NECTIN1: variants seen among roughly 807,000 people sequenced by gnomAD.
NECTIN1 encodes nectin cell adhesion molecule 1.
Under a neutral mutation model 48.0 loss-of-function variants are expected in NECTIN1, and 23 were observed. That is an observed-to-expected ratio of 0.48 (90% CI 0.34 to 0.68). The LOEUF (loss-of-function observed/expected upper bound fraction) is 0.68, where lower values mean the gene tolerates loss of function less well. Ranked by LOEUF, NECTIN1 falls within the 30% of genes least tolerant of loss-of-function variation. The pLI, the probability that NECTIN1 is intolerant of heterozygous loss-of-function variation, is 0.01. For missense variants in NECTIN1, 591 were observed against 709.9 expected, an observed-to-expected ratio of 0.83 and a Z score of 1.90; for synonymous variants, 270 against 288.9, an observed-to-expected ratio of 0.93 and a Z score of 0.66.
rs769346477 is a variant in NECTIN1, at chr11:119,638,121, C to T, written c.1354G>A (p.Glu452Lys). ...GGCTAGGGGCACTCTCCTCGAGGTT[C>T]GGTTGTCCTTACCGAGGGGTGGTAG... Residue 452 changes from glutamate to lysine, a missense_variant, in exon 8 of 8, where the codon GAA becomes AAA. Physicochemically the swap from Glu to Lys is moderately conservative, Grantham distance 56. Transcript: ENST00000341398. 2.0e-5 allele frequency: 32 copies of T among 1,613,256 alleles called. No individual in the cohort carries two copies. Among genetic ancestry groups the T allele is most frequent in the East Asian group, 1.8e-4 (8 of 44,852 alleles).
At chr11:119,713,395 C>A (rs1865688510) in intron 1 of NECTIN1, among the ~76,000 whole-genome samples, 1 of 152,224 alleles carries the variant, frequency 6.6e-6, no homozygotes, top group Admixed American at 6.5e-5. Context: ...AAAAAACCAT[C>A]CATGATTTAT....
In NECTIN1 at chr11:119,665,258, C is replaced by T. The variant is rs148045547; in HGVS notation, c.1043G>A (p.Arg348His). The T allele has an allele frequency of 1.4e-5, 23 of 1,597,126 alleles. No homozygotes were observed. In the African/African-American group the frequency reaches 2.0e-4, roughly 14 times the overall value. ...YTPSPPEHGR[R>H]AGPVPTAIIG... ...GATGGCCGTGGGCACCGGCCCGGCGCGCCGCCCATGTTCGGGAGGAGACGG... is the reference window on the plus strand; with the variant it reads ...GATGGCCGTGGGCACCGGCCCGGCGTGCCGCCCATGTTCGGGAGGAGACGG... Residue 348 changes from arginine to histidine, a missense_variant, in exon 6 of 6, where the codon CGC becomes CAC. Physicochemically the swap from Arg to His is conservative, Grantham distance 29. Transcript: ENST00000264025. The surrounding 1 kb of genome is among the most constrained non-coding windows in gnomAD (Gnocchi z 5.1).
chr11:119,700,860 G>A (rs752082870), intron 1 of NECTIN1, among the ~76,000 whole-genome samples: 3 of 152,164 alleles, frequency 2.0e-5, no homozygotes, highest in Non-Finnish European at 4.4e-5. Context: ...TCAACTCTGC[G>A]AAACAAATCC....
intron 1 of NECTIN1, among the ~76,000 whole-genome samples, chr11:119,718,637 C>T (rs1212630513): frequency 3.3e-5 from 5 of 152,238 alleles, no homozygotes; most frequent in African/African-American, 7.2e-5. Flanking sequence ...AGATTCTCTC[C>T]GAGGAGCTAC....
In NECTIN1 at chr11:119,678,320, G is replaced by A. The variant is rs1252657019; in HGVS notation, c.430+95C>T. On this transcript the variant is annotated intron_variant, in intron 2 of 5. Coordinates refer to ENST00000264025, the MANE Select transcript of NECTIN1 (RefSeq NM_002855.5). The surrounding 1 kb of genome is among the most constrained non-coding windows in gnomAD (Gnocchi z 4.4). Reference sequence around the variant, plus strand: ...AATGATGGCAGCATGCCCACCCAAGGGGGATGTCTGGGGTCATTGAGGCAT... The same window carrying A: ...AATGATGGCAGCATGCCCACCCAAGAGGGATGTCTGGGGTCATTGAGGCAT... The A allele has an allele frequency of 5.2e-6, 6 of 1,160,788 alleles. No homozygotes were observed. The highest frequency in any genetic ancestry group is 7.8e-6 in the Non-Finnish European group (6 of 774,122). 71.9% of individuals were successfully genotyped at this position (1,160,788 alleles called of 1,614,324 possible). A position where few individuals can be genotyped will look rare whatever the true frequency, so the allele number is the denominator to read the frequency against.
chr11:119,707,497 A>G (rs1012460411), intron 1 of NECTIN1, among the ~76,000 whole-genome samples: 1 of 151,778 alleles, frequency 6.6e-6, no homozygotes, highest in Non-Finnish European at 1.5e-5. Context: ...ACACTCCACA[A>G]GGCTGTCGAA....
downstream of NECTIN1, chr11:119,658,927 G>A (rs1316646718): frequency 6.6e-6 from 1 of 152,174 alleles, no homozygotes; most frequent in Non-Finnish European, 1.5e-5. Context: ...TTCTCCATGT[G>A]CAGAATGAGT....
In NECTIN1 at chr11:119,662,650, G is replaced by A. The variant is rs1864687763; in HGVS notation, c.*2097C>T. 1 of 985,664 alleles carries A rather than the reference G, an allele frequency of 1.0e-6. No individual in the cohort carries two copies. The highest frequency in any genetic ancestry group is 1.2e-6 in the Non-Finnish European group (1 of 830,000). 61.1% of individuals were successfully genotyped at this position (985,664 alleles called of 1,614,324 possible). ...GATTGCCTCCTGCCTGGGGGAAAAG[G>A]GGACCAAGCAGAGGGGCCAGAGTGT... On this transcript the variant is annotated 3_prime_UTR_variant, in exon 6 of 6. Transcript: ENST00000264025. The surrounding 1 kb of genome is among the most constrained non-coding windows in gnomAD (Gnocchi z 5.3).
rs369816315 is a variant in NECTIN1, at chr11:119,674,614, C to G, written c.1003+545G>C. 4 of 1,614,102 alleles carry G rather than the reference C, an allele frequency of 2.5e-6. No individual in the cohort carries two copies. In the African/African-American group the frequency reaches 5.3e-5, roughly 22 times the overall value. ...TCCTCAGAACATCCTAGCTCTTGTC[C>G]TCCCTTTGCCCGGATAGATAAGTTG... On this transcript the variant is annotated intron_variant, in intron 5 of 5. Coordinates refer to ENST00000264025, the MANE Select transcript of NECTIN1 (RefSeq NM_002855.5).
At position 119,678,562 on chromosome 11, in the gene NECTIN1, C is replaced by T. The variant is rs745849418; in HGVS notation, c.283G>A (p.Glu95Lys). The T allele has an allele frequency of 5.1e-5, 83 of 1,614,198 alleles. No homozygotes were observed. Among genetic ancestry groups the T allele is most frequent in the African/African-American group, 2.3e-4 (17 of 75,054 alleles). ...GAGGGCCGCAGGAATTCCACACGCTCGCGGTAGGGAGCCAGCACGGACACG... is the reference window on the plus strand; with the variant it reads ...GAGGGCCGCAGGAATTCCACACGCTTGCGGTAGGGAGCCAGCACGGACACG... ...MGVSVLAPYR[E>K]RVEFLRPSFT... The change falls in exon 2 of 6, where the codon GAG (glutamate) becomes AAG (lysine). Residue 95 changes from glutamate to lysine, a missense_variant. Coordinates refer to ENST00000264025, the MANE Select transcript of NECTIN1 (RefSeq NM_002855.5). The surrounding 1 kb of genome is among the most constrained non-coding windows in gnomAD (Gnocchi z 4.4).
rs1414850723 is a variant in NECTIN1, at chr11:119,727,890, C to T, written c.79+585G>A. 2.6e-5 allele frequency among the ~76,000 whole-genome samples: 4 copies of T among 152,338 alleles called. No individual in the cohort carries two copies. In the East Asian group the frequency reaches 7.7e-4, roughly 29 times the overall value. On this transcript the variant is annotated intron_variant, in intron 1 of 5. Transcript: ENST00000264025. This position sits in a 1 kb window ranked among gnomAD's most constrained non-coding sequence, Gnocchi z 4.1. ...GAGGAGGCTGCCCCGGCCTCACCCT[C>T]CAGGAAAGGAACCGCAGGTGAGCGA...
Position 119,677,300 on chromosome 11 carries a change from G to A in NECTIN1, c.734-81C>T. The A allele has an allele frequency of 7.8e-7, 1 of 1,274,674 alleles. No homozygotes were observed. The highest frequency in any genetic ancestry group is 1.1e-6 in the Non-Finnish European group (1 of 875,148). 79.0% of individuals were successfully genotyped at this position (1,274,674 alleles called of 1,614,324 possible). A position where few individuals can be genotyped will look rare whatever the true frequency, so the allele number is the denominator to read the frequency against. On this transcript the variant is annotated intron_variant, in intron 3 of 5. Coordinates refer to ENST00000264025, the MANE Select transcript of NECTIN1 (RefSeq NM_002855.5). The surrounding 1 kb of genome is among the most constrained non-coding windows in gnomAD (Gnocchi z 5.4). ...AAGGGAACTTCAGCCAGGAAGGGAT[G>A]GAAGGAGCAGTGGCATGGAAACAGC... is the stretch of plus-strand genomic sequence containing the variant.
intron 1 of NECTIN1, among the ~76,000 whole-genome samples, chr11:119,706,087 C>T (rs1431718385): frequency 6.6e-6 from 1 of 152,206 alleles, no homozygotes; most frequent in East Asian, 1.9e-4. Flanking sequence ...CAGCTGCAGC[C>T]TCCCCTCGGC....
Position 119,728,818 on chromosome 11 carries a change from T to G in NECTIN1, c.-265A>C. The stretch of plus-strand genomic sequence containing the variant: ...TGCCCCTTCGCCTCCTCCGCTCTCC[T>G]CCCGGCGCCGGTCCCCGCCCTCTTC... On this transcript the variant is annotated 5_prime_UTR_variant, in exon 1 of 6. Transcript: ENST00000264025. 1 of 366,762 alleles carries G rather than the reference T, an allele frequency of 2.7e-6. No individual in the cohort carries two copies. The highest frequency in any genetic ancestry group is 4.9e-6 in the Non-Finnish European group (1 of 205,988). 22.7% of individuals were successfully genotyped at this position (366,762 alleles called of 1,614,324 possible).
intron 6 of NECTIN1, among the ~76,000 whole-genome samples, chr11:119,639,124 C>T (rs1467496336): frequency 6.6e-6 from 1 of 152,194 alleles, no homozygotes; most frequent in Admixed American, 6.5e-5. Flanking sequence ...ACTGTGGGCC[C>T]TCACCCAGGG....
intron 1 of NECTIN1, among the ~76,000 whole-genome samples, chr11:119,690,152 GA>G (rs1371084678): frequency 6.6e-6 from 1 of 152,110 alleles, no homozygotes; most frequent in Non-Finnish European, 1.5e-5. Flanking sequence ...CCAGGAAAGG[GA>G]GCTGTGATGC....
intron 1 of NECTIN1, among the ~76,000 whole-genome samples, chr11:119,686,605 G>A (rs911646112): frequency 6.6e-5 from 10 of 152,132 alleles, no homozygotes; most frequent in Admixed American, 6.6e-4. Context: ...CCAACCTCCA[G>A]CCACTTCCTC....
intron 4 of NECTIN1, chr11:119,676,863 A>G: frequency 1.8e-6 from 1 of 567,608 alleles, no homozygotes; most frequent in East Asian, 3.1e-5. Context: ...GCAGATCACA[A>G]AGGAAACCCC....
chr11:119,643,535 A>T (rs1431536374), intron 5 of NECTIN1, among the ~76,000 whole-genome samples: 1 of 152,146 alleles, frequency 6.6e-6, no homozygotes. Flanking sequence ...CTCACTTGGC[A>T]TGGGCCTGCC....
Sources: gnomAD v4.1 joint callset for allele counts (sites outside exome capture counted in the v4.1 genomes callset) on GRCh38, gnomAD v4.1.1 for gene constraint, Gnocchi (gnomAD v3.1) non-coding constraint, MANE v1.5 for transcripts, NCBI Gene and HGNC (gene_info 2026-07-23, HGNC 2026-07-21) for gene names.